KIF13B: variants seen among roughly 807,000 people sequenced by gnomAD.
The protein encoded by KIF13B is kinesin family member 13B.
KIF13B carries 127 observed loss-of-function variants against 222.0 expected under a neutral mutation model. That is an observed-to-expected ratio of 0.57 (90% confidence interval 0.50 to 0.66). KIF13B has a LOEUF of 0.66. KIF13B is among the 30% of genes least tolerant of loss of function. The probability of loss-of-function intolerance (pLI) is 0.00; values close to 1 mark genes in which losing one functional copy is unlikely to be tolerated. For missense variants in KIF13B, 2,173 were observed against 2,379.0 expected (o/e 0.91, Z 1.80); for synonymous variants, 976 against 919.0 (o/e 1.06, Z -1.12).
At chr8:29,142,327 G>A (rs540836716) in intron 18 of KIF13B, 24 bp from the exon 19 acceptor site, 57 of 1,597,710 alleles carry the variant, frequency 3.6e-5, no homozygotes, top group East Asian at 2.7e-4. Context: ...AAGAATGACC[G>A]TGAGAAACAC....
In KIF13B at chr8:29,131,843, T is replaced by C. The variant is rs931332409; in HGVS notation, c.2942+465A>G. 5.1e-4 allele frequency among the ~76,000 whole-genome samples: 77 copies of C among 152,388 alleles called. 1 individual carries two copies. The highest frequency in any genetic ancestry group is 4.3e-4 in the Non-Finnish European group (29 of 68,046). On this transcript the variant is annotated intron_variant, in intron 23 of 39. Transcript: ENST00000524189. Reference sequence around the variant, plus strand: ...ACTTCCCTAAGGAAGTTTAATTGTGTGATTAATACCCTGGAGACACTGCCA... The same window carrying C: ...ACTTCCCTAAGGAAGTTTAATTGTGCGATTAATACCCTGGAGACACTGCCA...
rs551879531 is a variant in KIF13B, at chr8:29,140,331, C to T, written c.2484+137G>A. On this transcript the variant is annotated intron_variant, in intron 20 of 39. Coordinates refer to ENST00000524189, the MANE Select transcript of KIF13B (RefSeq NM_015254.4). ...AGAGGCCTAGTCTCTGACAGTTACT[C>T]TACCCTAAGAGTCCTTGGAAACACA... is the stretch of plus-strand genomic sequence containing the variant. 7.2e-5 allele frequency: 101 copies of T among 1,398,996 alleles called. No homozygotes were observed. The African/African-American group carries it at 1.3e-3, about 19-fold the overall frequency. The allele number at this position is 1,398,996 out of a possible 1,614,324, so 86.7% of individuals were successfully genotyped here.
chr8:29,222,655 G>A (rs1814813002), intron 2 of KIF13B, among the ~76,000 whole-genome samples: 1 of 147,478 alleles, frequency 6.8e-6, no homozygotes, highest in Non-Finnish European at 1.5e-5. Context: ...AGCAAATAAT[G>A]GAAAACTATA....
intron 24 of KIF13B, among the ~76,000 whole-genome samples, chr8:29,128,344 C>T (rs929887003): frequency 6.6e-6 from 1 of 152,078 alleles, no homozygotes; most frequent in Non-Finnish European, 1.5e-5. Context: ...TGTTCAATTG[C>T]AAGTCAATTA....
At position 29,196,159 on chromosome 8, in the gene KIF13B, G is replaced by C. The variant is rs368429715; in HGVS notation, c.162+28C>G. 345 of 1,547,356 alleles carry C rather than the reference G, an allele frequency of 2.2e-4. 1 individual carries two copies. Among genetic ancestry groups the C allele is most frequent in the Non-Finnish European group, 2.5e-4 (282 of 1,140,552 alleles). On this transcript the variant is annotated intron_variant, in intron 3 of 39. Transcript: ENST00000524189. ...CAACATGCATATAAGATCTTTACAA[G>C]CATCACATAACAAACCAAATCTCTT...
intron 22 of KIF13B, among the ~76,000 whole-genome samples, chr8:29,133,738 TA>T (rs1282738216): frequency 1.3e-5 from 2 of 152,258 alleles, no homozygotes; most frequent in East Asian, 3.8e-4. Flanking sequence ...TCACTTTCTC[TA>T]AAACACAAGT....
intron 18 of KIF13B, among the ~76,000 whole-genome samples, chr8:29,142,983 G>C (rs1306737103): frequency 6.6e-6 from 1 of 152,076 alleles, no homozygotes; most frequent in South Asian, 2.1e-4. Context: ...CTCCCAAGTA[G>C]TTAGGACCAC....
intron 36 of KIF13B, among the ~76,000 whole-genome samples, chr8:29,097,167 G>A (rs1315473317): frequency 6.6e-6 from 1 of 152,176 alleles, no homozygotes; most frequent in Non-Finnish European, 1.5e-5. Context: ...ATTTGATGCA[G>A]TTATATATAA....
chr8:29,075,359 T>C lies in KIF13B; in HGVS notation c.4459-16A>G. ...GGGGCACGGGCTGAGGAGGCAAGTG[T>C]GCAGGTCAGGGGTCGAGAGGACAGA... On this transcript the variant is annotated splice_polypyrimidine_tract_variant and intron_variant, in intron 37 of 39. Coordinates refer to ENST00000524189, the MANE Select transcript of KIF13B (RefSeq NM_015254.4). 6.4e-7 allele frequency: 1 copy of C among 1,554,430 alleles called. No individual in the cohort carries two copies. Among genetic ancestry groups the C allele is most frequent in the East Asian group, 2.4e-5 (1 of 41,414 alleles).
intron 2 of KIF13B, among the ~76,000 whole-genome samples, chr8:29,222,513 GACTTT>G (rs1814799479): frequency 1.0e-5 from 1 of 95,724 alleles, no homozygotes; most frequent in African/African-American, 4.1e-5. Flanking sequence ...TCCCACACCT[GACTTT>G]TTTTTTTTTT....
At chr8:29,213,970 T>TA (rs1176152104) in intron 2 of KIF13B, among the ~76,000 whole-genome samples, 4 of 151,782 alleles carry the variant, frequency 2.6e-5, no homozygotes, top group East Asian at 3.9e-4. Context: ...ATAAATAAAA[T>TA]AAAATAAAAT....
chr8:29,219,489 GCCTC>G (rs1814644594), intron 2 of KIF13B: 2 of 152,214 alleles, frequency 1.3e-5, no homozygotes. Context: ...CAGGCACGGT[GCCTC>G]ATGCCTGTAA....
At chr8:29,228,213 C>A (rs1815111998) in intron 2 of KIF13B, among the ~76,000 whole-genome samples, 1 of 151,554 alleles carries the variant, frequency 6.6e-6, no homozygotes, top group Admixed American at 6.6e-5. Context: ...CGCCTGTAAT[C>A]TCAGCACTTT....
chr8:29,148,184 G>A (rs111749190), intron 16 of KIF13B, among the ~76,000 whole-genome samples: 2,801 of 152,284 alleles, frequency 0.018, 59 homozygotes, highest in African/African-American at 0.05. Flanking sequence ...TAGCCTGGGC[G>A]ACAGAGCGAG....
chr8:29,234,685 GAA>G (rs199754355), intron 2 of KIF13B, among the ~76,000 whole-genome samples: 3 of 106,172 alleles, frequency 2.8e-5, no homozygotes, highest in East Asian at 2.9e-4. Context: ...ACCACCAAAG[GAA>G]AAAAAAAAAA....
chr8:29,195,476 T>A (rs1374989068), intron 3 of KIF13B, among the ~76,000 whole-genome samples: 1 of 152,186 alleles, frequency 6.6e-6, no homozygotes. Context: ...CAGCCATGTC[T>A]ATAATACACA....
At chr8:29,080,858 C>G (rs1265651443) in intron 37 of KIF13B, among the ~76,000 whole-genome samples, 1 of 152,218 alleles carries the variant, frequency 6.6e-6, no homozygotes, top group South Asian at 2.1e-4. Flanking sequence ...AGAAGGCAAC[C>G]ATGGGTTTCT....
upstream of KIF13B, chr8:29,263,191 G>A (rs1030808630): frequency 4.3e-4 from 275 of 634,768 alleles, 4 homozygotes; most frequent in East Asian, 9.1e-3. Context: ...CCCGCTGTAT[G>A]GCGGGACTTG....
rs774576336 is a variant in KIF13B at position 29,186,366 on chromosome 8, T to C, written c.423A>G (p.Glu141=). 3.1e-6 allele frequency: 5 copies of C among 1,613,742 alleles called. No homozygotes were observed. The African/African-American group carries it at 6.7e-5, about 22-fold the overall frequency. ...AGGACACTTCTACTTTAAAACTCTGTTCTTCATTTTCCTCTTTCTGAGTTC... is the reference window on the plus strand; with the variant it reads ...AGGACACTTCTACTTTAAAACTCTGCTCTTCATTTTCCTCTTTCTGAGTTC... The part of the protein sequence containing the change: ...FERTQKEENE[E]QSFKVEVSYM... Residue 141 remains glutamate (E), a synonymous_variant, in exon 6 of 40, where the codon GAA becomes GAG. Transcript: ENST00000524189.
Sources: gnomAD v4.1 joint callset for allele counts (sites outside exome capture counted in the v4.1 genomes callset) on GRCh38, gnomAD v4.1.1 for gene constraint, MANE v1.5 for transcripts, NCBI Gene and HGNC (gene_info 2026-07-23, HGNC 2026-07-21) for gene names.